Variants in TMEM132D observed in about 807,000 individuals in gnomAD.
The protein encoded by TMEM132D is transmembrane protein 132D.
Under a neutral mutation model 62.3 loss-of-function variants are expected in TMEM132D, and 21 were observed. The observed-to-expected ratio is 0.34, with a 90% confidence interval of 0.24 to 0.49. The LOEUF is 0.49. Ranked by LOEUF, TMEM132D falls within the 20% of genes least tolerant of loss-of-function variation. The pLI is 0.99. For missense variants in TMEM132D, 1,346 were observed against 1,402.8 expected, an observed-to-expected ratio of 0.96 and a Z score of 0.65; for synonymous variants, 621 against 575.6, an observed-to-expected ratio of 1.08 and a Z score of -1.13.
chr12:129,551,566 C>T (rs1876898908), intron 2 of TMEM132D, among the ~76,000 whole-genome samples: 1 of 152,164 alleles, frequency 6.6e-6, no homozygotes, highest in Admixed American at 6.5e-5. Flanking sequence ...TGGAACATAA[C>T]ACAATAACAC....
At chr12:129,562,394 C>T (rs534147133) in intron 2 of TMEM132D, among the ~76,000 whole-genome samples, 3 of 152,284 alleles carry the variant, frequency 2.0e-5, no homozygotes, top group East Asian at 3.9e-4. Context: ...AGCATTTTTC[C>T]TTCACATCAG....
intron 3 of TMEM132D, among the ~76,000 whole-genome samples, chr12:129,351,596 T>C (rs1319956667): frequency 2.6e-5 from 4 of 152,222 alleles, no homozygotes; most frequent in African/African-American, 9.6e-5. Flanking sequence ...ATGAAAGCTT[T>C]AGACACTCAC....
intron 2 of TMEM132D, among the ~76,000 whole-genome samples, chr12:129,673,676 T>A (rs371351688): frequency 6.6e-6 from 1 of 152,146 alleles, no homozygotes; most frequent in Admixed American, 6.5e-5. Context: ...AGAACCATAT[T>A]GACGATTTCT....
At chr12:129,167,183 C>A in intron 5 of TMEM132D, among the ~76,000 whole-genome samples, 1 of 150,558 alleles carries the variant, frequency 6.6e-6, no homozygotes, top group African/African-American at 2.4e-5. Context: ...AAAAAAAAAC[C>A]AGTGCCAACA....
chr12:129,497,877 T>A (rs575256717), intron 3 of TMEM132D, among the ~76,000 whole-genome samples: 1 of 151,438 alleles, frequency 6.6e-6, no homozygotes, highest in East Asian at 2.0e-4. Flanking sequence ...CCCAGGCTGG[T>A]CTTGGACTCT....
At chr12:129,138,025 TC>T (rs1876636372) in intron 5 of TMEM132D, among the ~76,000 whole-genome samples, 1 of 152,204 alleles carries the variant, frequency 6.6e-6, no homozygotes, top group African/African-American at 2.4e-5. Flanking sequence ...TTAAAATTTT[TC>T]TTTTCTAAAA....
chr12:129,078,250 G>A (rs569797151), intron 8 of TMEM132D, among the ~76,000 whole-genome samples: 1 of 152,350 alleles, frequency 6.6e-6, no homozygotes, highest in East Asian at 1.9e-4. Context: ...GATGAGGGGT[G>A]GGCCTTTCCT....
chr12:129,098,470 GAT>G (rs1875184787), intron 5 of TMEM132D, among the ~76,000 whole-genome samples: 2 of 152,212 alleles, frequency 1.3e-5, no homozygotes, highest in Admixed American at 1.3e-4. Context: ...CTCGGGCACA[GAT>G]GCCTTTTTTT....
intron 1 of TMEM132D, among the ~76,000 whole-genome samples, chr12:129,834,677 C>A (rs930485408): frequency 6.6e-6 from 1 of 152,150 alleles, no homozygotes; most frequent in Non-Finnish European, 1.5e-5. Context: ...GTGATGAAGG[C>A]ATCAGGCGGC....
At chr12:129,223,272 C>T (rs893326324) in intron 4 of TMEM132D, among the ~76,000 whole-genome samples, 1 of 151,756 alleles carries the variant, frequency 6.6e-6, no homozygotes, top group Non-Finnish European at 1.5e-5. Flanking sequence ...GTGATGGTTG[C>T]TACTTCCGAG....
chr12:129,324,674 C>A (rs573811492), intron 4 of TMEM132D, among the ~76,000 whole-genome samples: 1 of 151,986 alleles, frequency 6.6e-6, no homozygotes, highest in East Asian at 1.9e-4. Flanking sequence ...ACTAGAAATA[C>A]AAAAAATTAG....
chr12:129,248,251 A>C lies in TMEM132D; in HGVS notation c.1300-38588T>G, dbSNP rs187277990. ...CGTGTCATAGGTGGCTGGTTTCTCT[A>C]TCAACTTTATGATAATAAACTCAAT... On this transcript the variant is annotated intron_variant, in intron 4 of 8. Transcript: ENST00000422113. Among the ~76,000 whole-genome samples the C allele has an allele frequency of 1.8e-3, 275 of 152,328 alleles. 3 individuals are homozygous for C. The highest frequency in any genetic ancestry group is 1.0e-3 in the Non-Finnish European group (68 of 68,028).
chr12:129,104,696 G>GA (rs1157237869), intron 5 of TMEM132D, among the ~76,000 whole-genome samples: 21 of 151,168 alleles, frequency 1.4e-4, no homozygotes, highest in Admixed American at 1.1e-3. Flanking sequence ...AAATTTACAA[G>GA]AAAAAAACAA....
intron 3 of TMEM132D, among the ~76,000 whole-genome samples, chr12:129,385,374 G>C (rs1871081682): frequency 6.6e-6 from 1 of 151,960 alleles, no homozygotes; most frequent in South Asian, 2.1e-4. Context: ...CCAAAGTGCT[G>C]GGATTACAAG....
chr12:129,076,090 A>ACACTCTCT (rs1874244923), intron 8 of TMEM132D, among the ~76,000 whole-genome samples: 1 of 151,504 alleles, frequency 6.6e-6, no homozygotes, highest in African/African-American at 2.4e-5. Context: ...AGCCAGCATT[A>ACACTCTCT]CTCTCTCTCT....
intron 1 of TMEM132D, among the ~76,000 whole-genome samples, chr12:129,783,620 T>C (rs1256411835): frequency 6.6e-6 from 1 of 152,254 alleles, no homozygotes; most frequent in Non-Finnish European, 1.5e-5. Context: ...GCCTCATTTA[T>C]TCAAGATCTG....
chr12:129,523,024 A>C (rs779004057), intron 3 of TMEM132D, among the ~76,000 whole-genome samples: 1 of 152,152 alleles, frequency 6.6e-6, no homozygotes, highest in Non-Finnish European at 1.5e-5. Context: ...CAGACATAGA[A>C]ATTTTTTTCT....
intron 4 of TMEM132D, among the ~76,000 whole-genome samples, chr12:129,336,091 C>A (rs920616612): frequency 6.6e-6 from 1 of 152,182 alleles, no homozygotes; most frequent in African/African-American, 2.4e-5. Context: ...CAGCCCTAGA[C>A]CACTAACCTT....
intron 3 of TMEM132D, among the ~76,000 whole-genome samples, chr12:129,386,062 G>A (rs1871097842): frequency 6.6e-6 from 1 of 152,156 alleles, no homozygotes; most frequent in African/African-American, 2.4e-5. Context: ...TCACTTTCCT[G>A]CTGGCTCACA....
Sources: allele counts gnomAD v4.1 joint callset (sites outside exome capture counted in the v4.1 genomes callset), GRCh38; gene constraint gnomAD v4.1.1; transcripts MANE v1.5; gene names NCBI Gene and HGNC (gene_info 2026-07-23, HGNC 2026-07-21).